Variants in GLYATL1 observed in about 807,000 individuals in gnomAD.
The protein encoded by GLYATL1 is glycine N-acyltransferase-like protein 1.
GLYATL1 carries 15 observed loss-of-function variants against 20.0 expected under a neutral mutation model. The observed-to-expected ratio is 0.75, with a 90% CI of 0.50 to 1.15. GLYATL1 has a LOEUF of 1.15. Among genes scored for constraint, GLYATL1 ranks in the 50% most tolerant of loss-of-function variants. The probability of loss-of-function intolerance (pLI) is 0.00; values close to 1 mark genes in which losing one functional copy is unlikely to be tolerated. For missense variants in GLYATL1, 380 were observed against 368.5 expected, an observed-to-expected ratio of 1.03 and a Z score of -0.26; for synonymous variants, 151 against 131.5, an observed-to-expected ratio of 1.15 and a Z score of -1.01.
chr11:58,917,246 C>T (rs1389612028), intron 1 of GLYATL1: 1 of 152,306 alleles, frequency 6.6e-6, no homozygotes, highest in South Asian at 2.1e-4. Flanking sequence ...TGCTCCTCCC[C>T]TTGACTCCCC....
upstream of GLYATL1, chr11:58,934,500 G>A (rs1855740818): frequency 6.6e-6 from 1 of 152,624 alleles, no homozygotes; most frequent in African/African-American, 2.4e-5. Context: ...ATGGCCTGGA[G>A]GCTGGTTGTG....
chr11:58,951,392 T>C (rs1234022628), intron 4 of GLYATL1, among the ~76,000 whole-genome samples: 1 of 152,128 alleles, frequency 6.6e-6, no homozygotes, highest in East Asian at 1.9e-4. Flanking sequence ...TCTAGTCTTT[T>C]CTCATGCTAT....
intron 1 of GLYATL1, chr11:58,907,151 C>A (rs941447287): frequency 1.3e-5 from 5 of 381,546 alleles, no homozygotes; most frequent in African/African-American, 1.0e-4. Flanking sequence ...TTTTCTCAGC[C>A]GGGGCTCTGA....
intron 4 of GLYATL1, among the ~76,000 whole-genome samples, chr11:58,953,885 C>G (rs1242235473): frequency 6.6e-6 from 1 of 152,208 alleles, no homozygotes; most frequent in African/African-American, 2.4e-5. Context: ...TTTATATTTT[C>G]CCAGAGAAAC....
chr11:58,950,113 CAAAAAAAAAAAAAA>C lies in GLYATL1; in HGVS notation c.186+2163_186+2176del, dbSNP rs56725794. Among the ~76,000 whole-genome samples the C allele has an allele frequency of 2.0e-3, 154 of 75,980 alleles. 1 individual carries two copies. Among genetic ancestry groups the C allele is most frequent in the South Asian group, 4.2e-3 (8 of 1,890 alleles). The allele number at this position is 75,980 out of a possible 152,430, so 49.8% of individuals were successfully genotyped here. On this transcript the variant is annotated intron_variant, in intron 4 of 6. Coordinates refer to ENST00000532726, the MANE Select transcript of GLYATL1 (RefSeq NM_001389712.2). ...TGAAACCCTGTCTCTACTAAAAATA[CAAAAAAAAAAAAAA>C]AAAAAAAAAAAAAATTAGCCGGGCG...
At chr11:58,942,515 A>G (rs985007098) in intron 1 of GLYATL1, 3 of 152,158 alleles carry the variant, frequency 2.0e-5, no homozygotes, top group African/African-American at 7.2e-5. Flanking sequence ...CTTAAGAATA[A>G]CTCCAAGAAT....
chr11:58,915,519 T>C (rs1838361138), intron 1 of GLYATL1, among the ~76,000 whole-genome samples: 1 of 152,306 alleles, frequency 6.6e-6, no homozygotes, highest in Admixed American at 6.5e-5. Flanking sequence ...CCTGGCCAGC[T>C]GCTCTTTGCC....
At chr11:58,907,598 T>C in exon 2 of GLYATL1, 1 of 335,372 alleles carries the variant, frequency 3.0e-6, no homozygotes, top group Non-Finnish European at 5.9e-6. Context: ...CTATCATCTC[T>C]CTCACTTCTG....
At chr11:58,915,495 C>A (rs1855150005) in intron 1 of GLYATL1, among the ~76,000 whole-genome samples, 3 of 152,140 alleles carry the variant, frequency 2.0e-5, no homozygotes, top group Admixed American at 2.0e-4. Flanking sequence ...TAGAGAGGAG[C>A]TAAGGTAGCT....
At chr11:58,932,403 C>T (rs866916133) in intron 1 of GLYATL1, among the ~76,000 whole-genome samples, 3 of 152,254 alleles carry the variant, frequency 2.0e-5, no homozygotes, top group South Asian at 4.1e-4. Context: ...GGAGATTATG[C>T]ATTTTCTTCT....
At chr11:58,953,832 C>T (rs1225082554) in intron 4 of GLYATL1, among the ~76,000 whole-genome samples, 2 of 152,156 alleles carry the variant, frequency 1.3e-5, no homozygotes, top group East Asian at 3.9e-4. Flanking sequence ...CAATTTCCAA[C>T]ATAATATTAA....
chr11:58,946,151 A>G (rs1458098117), intron 2 of GLYATL1, among the ~76,000 whole-genome samples: 12 of 152,182 alleles, frequency 7.9e-5, no homozygotes, highest in Admixed American at 6.5e-4. Flanking sequence ...CTAAATCTCT[A>G]TATGACATGT....
At chr11:58,915,466 T>TC (rs1451874524) in intron 1 of GLYATL1, among the ~76,000 whole-genome samples, 1 of 152,114 alleles carries the variant, frequency 6.6e-6, no homozygotes, top group African/African-American at 2.4e-5. Flanking sequence ...TTGGGGGCCA[T>TC]CAAGGGAAGG....
downstream of GLYATL1, among the ~76,000 whole-genome samples, chr11:58,913,443 A>G (rs374163031): frequency 6.6e-5 from 10 of 152,182 alleles, no homozygotes; most frequent in African/African-American, 2.4e-4. Flanking sequence ...ACTGACAGGA[A>G]CTTTGCCTTT....
At chr11:58,926,662 T>C (rs1484365006), upstream of GLYATL1, among the ~76,000 whole-genome samples, 1 of 151,800 alleles carries the variant, frequency 6.6e-6, no homozygotes, top group African/African-American at 2.4e-5. Context: ...AATTGCATTT[T>C]ACTTAAAGGA....
chr11:58,941,678 A>G (rs944538671), intron 1 of GLYATL1, among the ~76,000 whole-genome samples: 2 of 152,236 alleles, frequency 1.3e-5, no homozygotes, highest in African/African-American at 4.8e-5. Flanking sequence ...TCTAATAAGA[A>G]AACAGAATGC....
At chr11:58,909,782 C>G (rs1340608000), downstream of GLYATL1, among the ~76,000 whole-genome samples, 2 of 152,128 alleles carry the variant, frequency 1.3e-5, no homozygotes, top group Admixed American at 1.3e-4. Context: ...CTCCATATTG[C>G]TGGTAAAAAT....
At chr11:58,945,495 G>T (rs1349023945) in intron 2 of GLYATL1, among the ~76,000 whole-genome samples, 1 of 152,150 alleles carries the variant, frequency 6.6e-6, no homozygotes, top group Non-Finnish European at 1.5e-5. Context: ...CAGCTGATAG[G>T]TGTGGGGATT....
chr11:58,914,424 G>A (rs1855120708), intron 1 of GLYATL1, among the ~76,000 whole-genome samples: 1 of 152,176 alleles, frequency 6.6e-6, no homozygotes, highest in Non-Finnish European at 1.5e-5. Flanking sequence ...TCTCCGGATG[G>A]CTCCCCAAAG....
Sources: allele counts gnomAD v4.1 joint callset (sites outside exome capture counted in the v4.1 genomes callset), GRCh38; gene constraint gnomAD v4.1.1; transcripts MANE v1.5; gene names NCBI Gene and HGNC (gene_info 2026-07-23, HGNC 2026-07-21).